The following GAB2 variants were observed in gnomAD, a reference collection of about 807,000 sequenced individuals.
GAB2 encodes GRB2 associated binding protein 2.
Under a neutral mutation model 65.5 loss-of-function variants are expected in GAB2, and 26 were observed. That is an observed-to-expected ratio of 0.40 (90% confidence interval 0.29 to 0.55). The LOEUF is 0.55. GAB2 is among the 20% of genes least tolerant of loss of function. GAB2 has a pLI of 0.53. For missense variants in GAB2, 884 were observed against 875.8 expected, an observed-to-expected ratio of 1.01 and a Z score of -0.12; for synonymous variants, 321 against 329.6, an observed-to-expected ratio of 0.97 and a Z score of 0.28.
At position 78,358,471 on chromosome 11, in the gene GAB2, T is replaced by TAAC. The variant is rs1460783260; in HGVS notation, c.75+59174_75+59175insGTT. On this transcript the variant is annotated intron_variant, in intron 1 of 9. Transcript: ENST00000361507. Reference sequence around the variant, plus strand: ...ATAATAATAATAATAATAATAATAATAATAAAGTGACCAAAAAAAAAAAAA... The same window carrying TAAC: ...ATAATAATAATAATAATAATAATAATAACAATAAAGTGACCAAAAAAAAAAAAA... Among the ~76,000 whole-genome samples, 870 of 137,122 alleles carry TAAC rather than the reference T, an allele frequency of 6.3e-3. 17 individuals are homozygous for TAAC. Among genetic ancestry groups the TAAC allele is most frequent in the African/African-American group, 0.022 (809 of 36,456 alleles). The allele number at this position is 137,122 out of a possible 152,430, so 90.0% of individuals were successfully genotyped here. A position where few individuals can be genotyped will look rare whatever the true frequency, so the allele number is the denominator to read the frequency against.
chr11:78,260,794 G>A (rs1865708463), intron 2 of GAB2, among the ~76,000 whole-genome samples: 1 of 152,178 alleles, frequency 6.6e-6, no homozygotes, highest in Non-Finnish European at 1.5e-5. Context: ...ATCTTTTGTA[G>A]TACATAATTT....
chr11:78,292,751 C>G (rs1866716103), intron 1 of GAB2, among the ~76,000 whole-genome samples: 1 of 152,324 alleles, frequency 6.6e-6, no homozygotes, highest in Non-Finnish European at 1.5e-5. Flanking sequence ...AATCCTTCGA[C>G]TACTCTGGAC....
chr11:78,260,630 C>T (rs1389943803), intron 2 of GAB2, among the ~76,000 whole-genome samples: 5 of 152,100 alleles, frequency 3.3e-5, no homozygotes, highest in African/African-American at 9.7e-5. Flanking sequence ...CACTGCCACA[C>T]CTAGCTAATT....
intron 1 of GAB2, among the ~76,000 whole-genome samples, chr11:78,394,608 TG>T (rs755150973): frequency 5.9e-5 from 9 of 152,248 alleles, no homozygotes; most frequent in Non-Finnish European, 8.8e-5. Flanking sequence ...CTTACAGATT[TG>T]GCCTGCACCA....
Position 78,353,348 on chromosome 11 carries a change from G to A in GAB2, c.75+64298C>T, listed in dbSNP as rs185536590. Among the ~76,000 whole-genome samples, 548 of 152,318 alleles carry A rather than the reference G, an allele frequency of 3.6e-3. 5 individuals carry two copies. Among genetic ancestry groups the A allele is most frequent in the African/African-American group, 0.012 (494 of 41,570 alleles). On this transcript the variant is annotated intron_variant, in intron 1 of 9. Coordinates refer to ENST00000361507, the MANE Select transcript of GAB2 (RefSeq NM_080491.3). ...CCCAGCTACTCGGGAGGCTGAGGCA[G>A]GAGAATCACTTGAACCCAGAAAGCG...
At chr11:78,340,651 G>A (rs115434488) in intron 1 of GAB2, among the ~76,000 whole-genome samples, 1 of 150,602 alleles carries the variant, frequency 6.6e-6, no homozygotes, top group South Asian at 2.1e-4. Flanking sequence ...CAGGAGTTTA[G>A]TAAGACTGGG....
At chr11:78,302,164 A>G (rs533824876) in intron 1 of GAB2, among the ~76,000 whole-genome samples, 1 of 152,366 alleles carries the variant, frequency 6.6e-6, no homozygotes, top group South Asian at 2.1e-4. Flanking sequence ...CCAAAAGCAC[A>G]GGTAATAAAA....
intron 1 of GAB2, among the ~76,000 whole-genome samples, chr11:78,367,160 TC>T (rs1172772702): frequency 2.6e-5 from 4 of 152,142 alleles, no homozygotes; most frequent in African/African-American, 9.7e-5. Flanking sequence ...TGTTTTCTTT[TC>T]CCCCATCAAC....
At chr11:78,340,567 T>C (rs1591050936) in intron 1 of GAB2, among the ~76,000 whole-genome samples, 1 of 150,368 alleles carries the variant, frequency 6.7e-6, no homozygotes, top group Non-Finnish European at 1.5e-5. Context: ...GGAAAGCTTA[T>C]ATCTGTCTCA....
rs913989332 is a variant in GAB2 at position 78,220,402 on chromosome 11, T to C, written c.1804A>G (p.Ser602Gly). The part of the protein sequence containing the change: ...SASPVPSGTN[S>G]PAPKKSTGSV... ...CCGGTGCTCTTCTTAGGGGCAGGAC[T>C]GTTCGTGCCACTGGGAACGGGAGAT... Residue 602 changes from serine (S) to glycine (G), a missense_variant, in exon 9 of 10, where the codon AGT (serine) becomes GGT (glycine). Transcript: ENST00000361507. 36 of 1,597,246 alleles carry C rather than the reference T, an allele frequency of 2.3e-5. No homozygotes were observed. Among genetic ancestry groups the C allele is most frequent in the Non-Finnish European group, 3.1e-5 (36 of 1,167,256 alleles).
At chr11:78,331,904 TAAA>T (rs771821388) in intron 1 of GAB2, among the ~76,000 whole-genome samples, 12 of 152,086 alleles carry the variant, frequency 7.9e-5, no homozygotes, top group Non-Finnish European at 1.6e-4. Flanking sequence ...CCGGACCTCG[TAAA>T]TGAAAGTGTC....
chr11:78,302,818 A>C (rs555887985), intron 1 of GAB2, among the ~76,000 whole-genome samples: 1 of 152,360 alleles, frequency 6.6e-6, no homozygotes, highest in South Asian at 2.1e-4. Flanking sequence ...TGAGATATAT[A>C]TATGTATCTA....
intron 1 of GAB2, among the ~76,000 whole-genome samples, chr11:78,296,919 A>C (rs1487322343): frequency 6.6e-6 from 1 of 152,202 alleles, no homozygotes; most frequent in African/African-American, 2.4e-5. Context: ...GGGACAACGG[A>C]AGCCCTCAAG....
chr11:78,413,313 C>A (rs375692350), intron 1 of GAB2, among the ~76,000 whole-genome samples: 1 of 152,142 alleles, frequency 6.6e-6, no homozygotes, highest in Non-Finnish European at 1.5e-5. Flanking sequence ...GAGCTTCAAC[C>A]TTTAAGGACT....
rs146994168 is a variant in GAB2, at chr11:78,325,514, C to T, written c.76-44613G>A. ...CTCTATTAATAATATTGAACAACAC[C>T]GGAATGACAAAGATCCCTAAGCAAG... is the stretch of plus-strand genomic sequence containing the variant. On this transcript the variant is annotated intron_variant, in intron 1 of 9. Coordinates refer to ENST00000361507, the MANE Select transcript of GAB2 (RefSeq NM_080491.3). Among the ~76,000 whole-genome samples, 290 of 152,188 alleles carry T rather than the reference C, an allele frequency of 1.9e-3. 3 individuals are homozygous for T. The highest frequency in any genetic ancestry group is 6.8e-3 in the Middle Eastern group (2 of 294).
chr11:78,381,092 A>T (rs1856692513), intron 1 of GAB2, among the ~76,000 whole-genome samples: 1 of 152,152 alleles, frequency 6.6e-6, no homozygotes, highest in Non-Finnish European at 1.5e-5. Context: ...GTATTTTCTG[A>T]ATCTCACTAT....
chr11:78,270,604 C>G (rs150163831), intron 2 of GAB2, among the ~76,000 whole-genome samples: 15 of 152,316 alleles, frequency 9.8e-5, no homozygotes, highest in Non-Finnish European at 2.1e-4. Flanking sequence ...ATGATATTAT[C>G]AGCCCCTACC....
At position 78,250,109 on chromosome 11, in the gene GAB2, C is replaced by T. The variant is rs369103929; in HGVS notation, c.620+48G>A. Reference sequence around the variant, plus strand: ...AAAGCAAGGACTGAAAAGTACTAGGCCCTGTGAGCGGTCACTAACCCACCT... The same window carrying T: ...AAAGCAAGGACTGAAAAGTACTAGGTCCTGTGAGCGGTCACTAACCCACCT... On this transcript the variant is annotated intron_variant, in intron 3 of 9. Coordinates refer to ENST00000361507, the MANE Select transcript of GAB2 (RefSeq NM_080491.3). The T allele has an allele frequency of 3.9e-4, 617 of 1,598,214 alleles. 1 individual carries two copies. In the Middle Eastern group the frequency reaches 5.4e-3, roughly 14 times the overall value.
intron 1 of GAB2, among the ~76,000 whole-genome samples, chr11:78,366,709 T>C (rs1234076231): frequency 1.3e-5 from 2 of 148,516 alleles, no homozygotes; most frequent in African/African-American, 2.4e-5. Context: ...ACCTTCTATA[T>C]TCACTATATT....
Sources: allele counts gnomAD v4.1 joint callset (sites outside exome capture counted in the v4.1 genomes callset), GRCh38; gene constraint gnomAD v4.1.1; transcripts MANE v1.5; gene names NCBI Gene and HGNC (gene_info 2026-07-23, HGNC 2026-07-21).